The following MGAT4C variants were observed in gnomAD, a reference collection of about 807,000 sequenced individuals.
MGAT4C encodes MGAT4 family member C.
A neutral mutation model predicts 40.1 loss-of-function variants in MGAT4C; 19 were observed. The ratio of observed to expected loss-of-function variants is 0.47; its 90% CI spans 0.33 to 0.70. The LOEUF (loss-of-function observed/expected upper bound fraction) is 0.70, where lower values mean the gene tolerates loss of function less well. Ranked by LOEUF, MGAT4C falls within the 30% of genes least tolerant of loss-of-function variation. MGAT4C has a pLI of 0.02. For missense variants in MGAT4C, 491 were observed against 563.2 expected (o/e 0.87, Z 1.30); for synonymous variants, 181 against 187.1 (o/e 0.97, Z 0.27).
intron 1 of MGAT4C, among the ~76,000 whole-genome samples, chr12:86,765,483 A>C (rs1328482460): frequency 4.6e-5 from 7 of 152,218 alleles, no homozygotes; most frequent in African/African-American, 1.7e-4. Flanking sequence ...CCAGCAAGGC[A>C]GGCCAACATT....
At chr12:86,158,163 G>A (rs969230701) in intron 1 of MGAT4C, among the ~76,000 whole-genome samples, 5 of 152,024 alleles carry the variant, frequency 3.3e-5, no homozygotes, top group African/African-American at 1.2e-4. Flanking sequence ...GGGCAGGCAA[G>A]GATCATAATG....
Position 86,038,031 on chromosome 12 carries a change from G to A in MGAT4C, c.-7+11643C>T, listed in dbSNP as rs144325886. ...TTGAGAGAGAATGTGGGTCCAGGGGGCCAATGCTACTATGGAGGCTGTGAA... is the reference window on the plus strand; with the variant it reads ...TTGAGAGAGAATGTGGGTCCAGGGGACCAATGCTACTATGGAGGCTGTGAA... On this transcript the variant is annotated intron_variant, in intron 2 of 4. Transcript: ENST00000611864. 2.3e-3 allele frequency among the ~76,000 whole-genome samples: 343 copies of A among 149,664 alleles called. 7 individuals are homozygous for A. Among genetic ancestry groups the A allele is most frequent in the African/African-American group, 7.7e-3 (317 of 41,314 alleles).
At chr12:86,441,325 AT>A (rs35057057) in intron 2 of MGAT4C, among the ~76,000 whole-genome samples, 8,853 of 149,630 alleles carry the variant, frequency 0.059, 327 homozygotes, top group Non-Finnish European at 0.08. Context: ...CAACCAACTG[AT>A]TTTTTTTATT....
intron 3 of MGAT4C, among the ~76,000 whole-genome samples, chr12:86,364,693 T>G (rs1357450015): frequency 8.5e-5 from 13 of 152,088 alleles, no homozygotes; most frequent in Non-Finnish European, 1.5e-5. Context: ...AGAGAAATTT[T>G]AAAGCTGGGT....
Position 86,658,979 on chromosome 12 carries a change from C to G in MGAT4C, c.-229+68230G>C, listed in dbSNP as rs544009296. On this transcript the variant is annotated intron_variant, in intron 2 of 7. Coordinates refer to the MGAT4C transcript ENST00000548651. Reference sequence around the variant, plus strand: ...GTCAACCTGAACACCAGAGGGAAGACAACATGGAAAAGTGCCATGTTTGAC... The same window carrying G: ...GTCAACCTGAACACCAGAGGGAAGAGAACATGGAAAAGTGCCATGTTTGAC... Among the ~76,000 whole-genome samples, 12 of 152,084 alleles carry G rather than the reference C, an allele frequency of 7.9e-5. No individual in the cohort carries two copies. In the East Asian group the frequency reaches 1.9e-3, roughly 25 times the overall value.
intron 2 of MGAT4C, among the ~76,000 whole-genome samples, chr12:86,457,238 T>C (rs1056228942): frequency 2.0e-5 from 3 of 152,156 alleles, no homozygotes; most frequent in Non-Finnish European, 2.9e-5. Context: ...TAACCTGCTA[T>C]AGTGCTTTCT....
intron 1 of MGAT4C, among the ~76,000 whole-genome samples, chr12:86,781,163 G>A (rs964758689): frequency 8.6e-5 from 13 of 151,984 alleles, no homozygotes; most frequent in African/African-American, 3.1e-4. Flanking sequence ...ATTTTACACT[G>A]GTTAGATTCC....
chr12:86,430,390 C>CA (rs147752916), intron 3 of MGAT4C, among the ~76,000 whole-genome samples: 15,976 of 152,132 alleles, frequency 0.11, 1,032 homozygotes, highest in Middle Eastern at 0.25. Flanking sequence ...TTGGCCTTTA[C>CA]GGTGTTCTCT....
intron 2 of MGAT4C, among the ~76,000 whole-genome samples, chr12:86,544,085 T>C (rs1234954808): frequency 6.6e-6 from 1 of 152,098 alleles, no homozygotes; most frequent in Non-Finnish European, 1.5e-5. Flanking sequence ...TGCTTCCATA[T>C]CAACTAATGT....
chr12:86,023,217 T>C (rs1241790945), intron 2 of MGAT4C, among the ~76,000 whole-genome samples: 1 of 152,164 alleles, frequency 6.6e-6, no homozygotes, highest in Non-Finnish European at 1.5e-5. Context: ...TGTTCCATAA[T>C]TGTAGTTCAC....
intron 2 of MGAT4C, among the ~76,000 whole-genome samples, chr12:86,546,543 T>C (rs1959193748): frequency 6.6e-6 from 1 of 152,006 alleles, no homozygotes; most frequent in Non-Finnish European, 1.5e-5. Context: ...AGACTTCCTT[T>C]ATAGGCATCA....
chr12:86,539,496 G>C (rs979328948), intron 2 of MGAT4C, among the ~76,000 whole-genome samples: 1 of 152,178 alleles, frequency 6.6e-6, no homozygotes, highest in Non-Finnish European at 1.5e-5. Context: ...GTGTGCATGT[G>C]TCTTTATAGC....
At chr12:86,676,433 T>G (rs1231487001) in intron 2 of MGAT4C, among the ~76,000 whole-genome samples, 1 of 152,126 alleles carries the variant, frequency 6.6e-6, no homozygotes, top group Non-Finnish European at 1.5e-5. Context: ...AATTAAATAA[T>G]CTGAATTAGC....
intron 2 of MGAT4C, among the ~76,000 whole-genome samples, chr12:86,562,035 T>TA (rs1959887650): frequency 6.6e-6 from 1 of 152,174 alleles, no homozygotes; most frequent in African/African-American, 2.4e-5. Flanking sequence ...AGGAGTTTAG[T>TA]GACTCTATAC....
intron 1 of MGAT4C, among the ~76,000 whole-genome samples, chr12:86,232,067 G>A (rs942090780): frequency 5.3e-5 from 8 of 151,644 alleles, no homozygotes; most frequent in African/African-American, 9.7e-5. Context: ...ACTTGAACCC[G>A]GGAGGCCGAG....
At chr12:86,391,431 A>G (rs556266342) in intron 3 of MGAT4C, among the ~76,000 whole-genome samples, 1 of 150,310 alleles carries the variant, frequency 6.7e-6, no homozygotes, top group Non-Finnish European at 1.5e-5. Flanking sequence ...ATACATTTAA[A>G]TATACCAGCC....
intron 2 of MGAT4C, among the ~76,000 whole-genome samples, chr12:86,721,523 C>A (rs186866628): frequency 6.6e-6 from 1 of 152,064 alleles, no homozygotes; most frequent in Non-Finnish European, 1.5e-5. Context: ...TTTCCCCTAC[C>A]TTGACCGTAG....
At chr12:86,619,982 C>CA (rs1962585618) in intron 2 of MGAT4C, among the ~76,000 whole-genome samples, 1 of 151,920 alleles carries the variant, frequency 6.6e-6, no homozygotes, top group East Asian at 1.9e-4. Context: ...AATGAGTTGC[C>CA]AAGAAACGTG....
intron 1 of MGAT4C, among the ~76,000 whole-genome samples, chr12:86,802,536 T>A (rs1275106032): frequency 1.3e-5 from 2 of 151,984 alleles, no homozygotes; most frequent in African/African-American, 4.8e-5. Flanking sequence ...ATAATGCTAT[T>A]CTATATTTTA....
Sources: allele counts gnomAD v4.1 joint callset (sites outside exome capture counted in the v4.1 genomes callset), GRCh38; gene constraint gnomAD v4.1.1; transcripts MANE v1.5; gene names NCBI Gene and HGNC (gene_info 2026-07-23, HGNC 2026-07-21).